The following CASP4 variants were observed in gnomAD, a reference collection of about 807,000 sequenced individuals.
The protein encoded by CASP4 is caspase 4.
In CASP4, 29 loss-of-function variants were observed where a neutral mutation model predicts 41.3. The ratio of observed to expected loss-of-function variants is 0.70; its 90% CI spans 0.52 to 0.96. The LOEUF (loss-of-function observed/expected upper bound fraction) is 0.96. Ranked by LOEUF, CASP4 falls within the 40% of genes least tolerant of loss-of-function variation. The probability of loss-of-function intolerance (pLI) is 0.00; values close to 1 mark genes in which losing one functional copy is unlikely to be tolerated. For synonymous variants in CASP4, 185 were observed against 158.4 expected (o/e 1.17, Z -1.26); for missense variants, 447 against 460.6 (o/e 0.97, Z 0.27).
At chr11:104,956,740 A>T in intron 1 of CASP4, 37 of 500,410 alleles carry the variant, frequency 7.4e-5, no homozygotes, top group South Asian at 2.6e-4. Context: ...CATCAGGTAC[A>T]GATGTTGCAA....
chr11:104,968,426 C>T (rs55803114), intron 1 of CASP4, 93 bp downstream of exon 1: 3 of 1,131,374 alleles, frequency 2.7e-6, no homozygotes, highest in East Asian at 2.4e-5. Flanking sequence ...TGTGTGCTAT[C>T]GGCTCACTTC....
chr11:104,957,031 T>C (rs1190000684), intron 1 of CASP4, among the ~76,000 whole-genome samples: 1 of 152,076 alleles, frequency 6.6e-6, no homozygotes, highest in Non-Finnish European at 1.5e-5. Context: ...CATTTACCAC[T>C]TCCATTCAAC....
At chr11:104,945,660 T>C (rs924941813) in intron 7 of CASP4, among the ~76,000 whole-genome samples, 1 of 152,148 alleles carries the variant, frequency 6.6e-6, no homozygotes, top group African/African-American at 2.4e-5. Context: ...AGTCTACTTA[T>C]CCTAAATCCA....
chr11:104,964,865 G>A (rs564226726), intron 1 of CASP4, among the ~76,000 whole-genome samples: 1 of 152,202 alleles, frequency 6.6e-6, no homozygotes, highest in Admixed American at 6.5e-5. Flanking sequence ...ATTCCTCATG[G>A]AACAGAGTTC....
Position 104,954,829 on chromosome 11 carries a change from A to T in CASP4, c.180T>A (p.Ser60=), listed in dbSNP as rs1860697657. The change falls in exon 2 of 9, where the codon TCT becomes TCA. Residue 60 remains serine, a synonymous_variant. Transcript: ENST00000444739. The stretch of plus-strand genomic sequence containing the variant: ...CTGCCATACGTTGCTTCTCTTGCAT[A>T]GAGTCTGCCATGACCCGAACTTTGT... ...TEDKVRVMAD[S]MQEKQRMAGQ... 1 of 1,613,740 alleles carries T rather than the reference A, an allele frequency of 6.2e-7. No homozygotes were observed. The highest frequency in any genetic ancestry group is 8.5e-7 in the Non-Finnish European group (1 of 1,179,704).
rs149424818 is a variant in CASP4 at position 104,962,069 on chromosome 11, G to T, written c.7+6450C>A. Reference sequence around the variant, plus strand: ...GTGTCTGTTTTGTTATGTGAATTCTGCTGGGATAGAAAATGTTAAATGGTT... The same window carrying T: ...GTGTCTGTTTTGTTATGTGAATTCTTCTGGGATAGAAAATGTTAAATGGTT... On this transcript the variant is annotated intron_variant, in intron 1 of 8. Transcript: ENST00000444739. Among the ~76,000 whole-genome samples, 263 of 152,322 alleles carry T rather than the reference G, an allele frequency of 1.7e-3. 1 individual carries two copies. The highest frequency in any genetic ancestry group is 5.9e-3 in the African/African-American group (245 of 41,568).
rs889915298 is a variant in CASP4, at chr11:104,960,144, A to G, written c.8-5143T>C. On this transcript the variant is annotated intron_variant, in intron 1 of 8. Coordinates refer to ENST00000444739, the MANE Select transcript of CASP4 (RefSeq NM_001225.4). ...TCTATTTAGGGGTCTCTGTATTTCC[A>G]GCCCCTACCTTCTCATTCATTCTTG... Among the ~76,000 whole-genome samples the G allele has an allele frequency of 3.3e-5, 5 of 152,136 alleles. No individual in the cohort carries two copies. The South Asian group carries it at 6.2e-4, about 19-fold the overall frequency.
chr11:104,965,260 A>G (rs963191610), intron 1 of CASP4, among the ~76,000 whole-genome samples: 1 of 152,210 alleles, frequency 6.6e-6, no homozygotes, highest in Non-Finnish European at 1.5e-5. Context: ...GCAAAACTAC[A>G]GAGGAGAGTA....
chr11:104,949,153 A>G, intron 5 of CASP4: 2 of 281,158 alleles, frequency 7.1e-6, no homozygotes, highest in Non-Finnish European at 6.8e-6. Flanking sequence ...TATAAGAAAA[A>G]GGGATGCTGT....
At chr11:104,968,416 T>C in intron 1 of CASP4, 103 bp downstream of exon 1, 8 of 1,011,478 alleles carry the variant, frequency 7.9e-6, no homozygotes, top group South Asian at 2.6e-5. Flanking sequence ...GAATTCAACA[T>C]GTGTGCTATC....
At chr11:104,948,456 G>T in intron 6 of CASP4, 77 bp downstream of exon 6, 1 of 1,349,044 alleles carries the variant, frequency 7.4e-7, no homozygotes, top group Non-Finnish European at 1.0e-6. Flanking sequence ...TGTTTCATAG[G>T]GATTCTTGAT....
At chr11:104,964,230 T>G (rs916172995) in intron 1 of CASP4, among the ~76,000 whole-genome samples, 2 of 152,174 alleles carry the variant, frequency 1.3e-5, no homozygotes, top group Non-Finnish European at 2.9e-5. Context: ...GGACTCTGAG[T>G]GCAGGTCTCA....
At chr11:104,948,880 G>T in intron 5 of CASP4, 2 of 389,138 alleles carry the variant, frequency 5.1e-6, no homozygotes. Flanking sequence ...TGTGCCTACT[G>T]ATAGTGAAAT....
chr11:104,966,147 G>T (rs1026311975), intron 1 of CASP4, among the ~76,000 whole-genome samples: 10 of 152,176 alleles, frequency 6.6e-5, no homozygotes, highest in African/African-American at 2.4e-4. Flanking sequence ...TTACGCCATT[G>T]CAATTCCCCT....
Position 104,944,366 on chromosome 11 carries a change from CTCTG to C in CASP4, c.*5+378_*5+381del, listed in dbSNP as rs1392278583. On this transcript the variant is annotated intron_variant, in intron 8 of 8. Transcript: ENST00000444739. ...AGTGTCTCTCTCTCTCTCTCTCTCT[CTCTG>C]TGTGTGTGTGTGTGTGTGTGTGTGT... 5.2e-3 allele frequency: 562 copies of C among 107,302 alleles called. 3 individuals carry two copies. The highest frequency in any genetic ancestry group is 0.034 in the East Asian group (96 of 2,824). The allele number at this position is 107,302 out of a possible 1,614,324, so 6.6% of individuals were successfully genotyped here.
chr11:104,961,645 T>C (rs1434578887), intron 1 of CASP4, among the ~76,000 whole-genome samples: 1 of 152,108 alleles, frequency 6.6e-6, no homozygotes, highest in Non-Finnish European at 1.5e-5. Context: ...ATCAGGACAA[T>C]TTTGAGATTT....
intron 1 of CASP4, among the ~76,000 whole-genome samples, chr11:104,961,579 G>T (rs1431686256): frequency 6.6e-6 from 1 of 152,160 alleles, no homozygotes; most frequent in Non-Finnish European, 1.5e-5. Context: ...GCTCCACTGG[G>T]GTCTTGGTTG....
chr11:104,943,559 T>C (rs543923), intron 8 of CASP4: 90,208 of 152,416 alleles, frequency 0.59, 29,105 homozygotes, highest in East Asian at 0.81. Context: ...TTTCCTTTTA[T>C]CTTTTTTTGC....
Position 104,951,933 on chromosome 11 carries a change from T to C in CASP4, c.335A>G (p.Glu112Gly). 1 of 1,612,828 alleles carries C rather than the reference T, an allele frequency of 6.2e-7. No individual in the cohort carries two copies. ...STDALKLCPH[E>G]EFLRLCKERA... ...TTCTTTACATAGTCTCAGGAATTCTTCATGAGGACAAAGCTTGAGGGCATC... is the reference window on the plus strand; with the variant it reads ...TTCTTTACATAGTCTCAGGAATTCTCCATGAGGACAAAGCTTGAGGGCATC... Residue 112 changes from glutamate to glycine, a missense_variant, in exon 3 of 9, where the codon GAA (glutamate) becomes GGA (glycine). Glu to Gly is a moderately conservative substitution (Grantham distance 98, BLOSUM62 -2). Transcript: ENST00000444739.
Sources: allele counts gnomAD v4.1 joint callset (sites outside exome capture counted in the v4.1 genomes callset), GRCh38; gene constraint gnomAD v4.1.1; transcripts MANE v1.5; gene names NCBI Gene and HGNC (gene_info 2026-07-23, HGNC 2026-07-21).